The following CNTNAP5 variants were observed in gnomAD, a reference collection of about 807,000 sequenced individuals.
The protein encoded by CNTNAP5 is contactin-associated protein-like 5.
In CNTNAP5, 72 loss-of-function variants were observed where a neutral mutation model predicts 150.2. That is an observed-to-expected ratio of 0.48 (90% confidence interval 0.40 to 0.58). The LOEUF is 0.58. Ranked by LOEUF, CNTNAP5 falls within the 20% of genes least tolerant of loss-of-function variation. The pLI is 0.00. For missense variants in CNTNAP5, 1,636 were observed against 1,626.2 expected (o/e 1.01, Z -0.10); for synonymous variants, 672 against 619.8 (o/e 1.08, Z -1.25).
intron 10 of CNTNAP5, among the ~76,000 whole-genome samples, chr2:124,535,845 T>C (rs1695219280): frequency 6.6e-6 from 1 of 152,096 alleles, no homozygotes; most frequent in Non-Finnish European, 1.5e-5. Flanking sequence ...CTGGTCAAAA[T>C]TCTTACCTTG....
intron 2 of CNTNAP5, among the ~76,000 whole-genome samples, chr2:124,226,041 A>G (rs1195482529): frequency 1.3e-5 from 2 of 152,164 alleles, no homozygotes; most frequent in Non-Finnish European, 2.9e-5. Flanking sequence ...TCGCTTCCGT[A>G]TCTTGGCTGC....
chr2:124,434,147 T>G (rs534407076), intron 4 of CNTNAP5, among the ~76,000 whole-genome samples: 2 of 152,252 alleles, frequency 1.3e-5, no homozygotes, highest in East Asian at 3.9e-4. Context: ...TCAAGAGAGA[T>G]TATTCTAAGC....
intron 1 of CNTNAP5, among the ~76,000 whole-genome samples, chr2:124,145,746 T>C (rs1346248646): frequency 8.2e-6 from 1 of 122,188 alleles, no homozygotes; most frequent in Non-Finnish European, 1.6e-5. Flanking sequence ...TATACATATG[T>C]AACTAACCTG....
chr2:124,637,003 C>A (rs1677984724), intron 12 of CNTNAP5, among the ~76,000 whole-genome samples: 1 of 152,036 alleles, frequency 6.6e-6, no homozygotes, highest in African/African-American at 2.4e-5. Flanking sequence ...AATCGAAAGA[C>A]TTTAGGTTTT....
intron 13 of CNTNAP5, among the ~76,000 whole-genome samples, chr2:124,661,726 A>C (rs1189355190): frequency 6.6e-6 from 1 of 152,194 alleles, no homozygotes; most frequent in Non-Finnish European, 1.5e-5. Flanking sequence ...GCAACAAAGT[A>C]GATTTGTTTA....
intron 12 of CNTNAP5, among the ~76,000 whole-genome samples, chr2:124,626,690 G>C (rs527801859): frequency 6.6e-6 from 1 of 152,254 alleles, no homozygotes; most frequent in Non-Finnish European, 1.5e-5. Context: ...GGTGCCTTGA[G>C]CTCCAGTAAG....
chr2:124,318,229 C>T (rs1689015082), intron 3 of CNTNAP5, among the ~76,000 whole-genome samples: 1 of 152,140 alleles, frequency 6.6e-6, no homozygotes, highest in Non-Finnish European at 1.5e-5. Flanking sequence ...CAAACAGGGG[C>T]AAGTCACGCA....
At chr2:124,525,210 T>G (rs1694935934) in intron 9 of CNTNAP5, among the ~76,000 whole-genome samples, 2 of 152,244 alleles carry the variant, frequency 1.3e-5, no homozygotes, top group African/African-American at 4.8e-5. Context: ...AATTTCATAG[T>G]TGTTTGTATT....
chr2:124,490,434 G>A (rs1323911660), intron 7 of CNTNAP5, among the ~76,000 whole-genome samples: 2 of 151,690 alleles, frequency 1.3e-5, no homozygotes, highest in Non-Finnish European at 2.9e-5. Flanking sequence ...AAGAAAGAAA[G>A]AAAGGGAAAG....
At chr2:124,263,403 T>C (rs571671608) in intron 3 of CNTNAP5, among the ~76,000 whole-genome samples, 69 of 152,326 alleles carry the variant, frequency 4.5e-4, no homozygotes, top group African/African-American at 1.5e-3. Flanking sequence ...TGGCCAGTGA[T>C]GATGAGCATT....
Position 124,739,938 on chromosome 2 carries a change from T to C in CNTNAP5, c.2078-7291T>C, listed in dbSNP as rs1051332430. ...GTGCGGGACCTCCTTCCTATAAATG[T>C]TATGAGCTCTTTTAGGGTAGCAAAA... On this transcript the variant is annotated intron_variant, in intron 13 of 23. Coordinates refer to ENST00000682447, the MANE Select transcript of CNTNAP5 (RefSeq NM_001367498.1). 2.0e-5 allele frequency among the ~76,000 whole-genome samples: 3 copies of C among 152,120 alleles called. No individual in the cohort carries two copies. In the South Asian group the frequency reaches 6.2e-4, roughly 32 times the overall value.
At chr2:124,517,657 G>T (rs1464744383) in intron 8 of CNTNAP5, among the ~76,000 whole-genome samples, 2 of 144,634 alleles carry the variant, frequency 1.4e-5, no homozygotes, top group East Asian at 2.2e-4. Flanking sequence ...ATGGAGGGTT[G>T]TAGTGTTGGT....
At chr2:124,884,851 T>G (rs752150037) in intron 21 of CNTNAP5, among the ~76,000 whole-genome samples, 2 of 151,988 alleles carry the variant, frequency 1.3e-5, no homozygotes, top group Non-Finnish European at 2.9e-5. Flanking sequence ...TTCCAAGCAG[T>G]ATAGTTATTT....
chr2:124,677,001 T>C (rs2105064116), intron 13 of CNTNAP5, among the ~76,000 whole-genome samples: 1 of 152,250 alleles, frequency 6.6e-6, no homozygotes, highest in African/African-American at 2.4e-5. Context: ...TTGGAAGACA[T>C]AATATGTCCG....
chr2:124,067,253 C>G (rs150656929), intron 1 of CNTNAP5, among the ~76,000 whole-genome samples: 1 of 152,296 alleles, frequency 6.6e-6, no homozygotes, highest in East Asian at 1.9e-4. Context: ...AATTTATTCT[C>G]TCATAGTTCT....
At chr2:124,089,515 G>A (rs1392400652) in intron 1 of CNTNAP5, among the ~76,000 whole-genome samples, 1 of 152,008 alleles carries the variant, frequency 6.6e-6, no homozygotes, top group Non-Finnish European at 1.5e-5. Flanking sequence ...ATTATGTTTT[G>A]TACTCTCCAT....
intron 3 of CNTNAP5, among the ~76,000 whole-genome samples, chr2:124,250,952 A>G (rs1456947577): frequency 6.6e-6 from 1 of 152,176 alleles, no homozygotes; most frequent in East Asian, 1.9e-4. Context: ...CCTTAATGTT[A>G]ATTGCAGATA....
chr2:124,626,774 A>G (rs1009823885), intron 12 of CNTNAP5, among the ~76,000 whole-genome samples: 1 of 152,168 alleles, frequency 6.6e-6, no homozygotes, highest in African/African-American at 2.4e-5. Context: ...AGCAGGTCCC[A>G]CTTCCATGGG....
Position 124,764,042 on chromosome 2 carries a change from G to A in CNTNAP5, c.2428G>A (p.Ala810Thr), listed in dbSNP as rs371472435. ...ASYLHFPTFH[A>T]EFSADISFFF... is the part of the protein sequence containing the mutation. ...TTACCTCCACTTTCCTACCTTCCAT[G>A]CGGAATTCAGTGCCGATATTTCCTT... Residue 810 changes from alanine (A) to threonine (T), a missense_variant, in exon 16 of 24, where the codon GCG (alanine) becomes ACG (threonine). By Grantham distance (58) the Ala-to-Thr change is moderately conservative (BLOSUM62 0). Transcript: ENST00000682447. The A allele has an allele frequency of 6.2e-7, 1 of 1,613,180 alleles. No individual in the cohort carries two copies. Among genetic ancestry groups the A allele is most frequent in the Non-Finnish European group, 8.5e-7 (1 of 1,179,430 alleles).
Sources: allele counts gnomAD v4.1 joint callset (sites outside exome capture counted in the v4.1 genomes callset), GRCh38; gene constraint gnomAD v4.1.1; transcripts MANE v1.5; gene names NCBI Gene and HGNC (gene_info 2026-07-23, HGNC 2026-07-21).